The following ZNF667 variants were observed in gnomAD, a reference collection of about 807,000 sequenced individuals.
The protein encoded by ZNF667 is myocardial ischemic preconditioning upregulated 1 ortholog.
Under a neutral mutation model 31.8 loss-of-function variants are expected in ZNF667, and 13 were observed. The observed-to-expected ratio is 0.41, with a 90% CI of 0.27 to 0.65. The LOEUF (loss-of-function observed/expected upper bound fraction) is 0.65. Among genes scored for constraint, ZNF667 ranks in the 30% least tolerant of loss-of-function variants. The pLI, the probability that ZNF667 is intolerant of heterozygous loss-of-function variation, is 0.32. For synonymous variants in ZNF667, 228 were observed against 247.1 expected (o/e 0.92, Z 0.73); for missense variants, 642 against 725.6 (o/e 0.88, Z 1.32).
intron 6 of ZNF667, among the ~76,000 whole-genome samples, chr19:56,450,041 T>G (rs892567278): frequency 6.6e-6 from 1 of 151,730 alleles, no homozygotes; most frequent in African/African-American, 2.4e-5. Context: ...GCAGAGAGAC[T>G]GGGGTAGAAA....
rs913224016 is a variant in ZNF667, at chr19:56,471,962, C to T, written c.-323G>A. The T allele has an allele frequency of 1.3e-5, 2 of 152,182 alleles. No individual in the cohort carries two copies. The highest frequency in any genetic ancestry group is 1.3e-4 in the Admixed American group (2 of 15,284). 9.4% of individuals were successfully genotyped at this position (152,182 alleles called of 1,614,324 possible). A position where few individuals can be genotyped will look rare whatever the true frequency, so the allele number is the denominator to read the frequency against. On this transcript the variant is annotated 5_prime_UTR_variant, in exon 3 of 7. It removes an upstream start codon present in the reference 5' UTR. Transcript: ENST00000504904. ...ACTGAATCATGGGGGCGGTTTCCCCCATGCTGTTCTCATGGCAGTGAGTAA... is the reference window on the plus strand; with the variant it reads ...ACTGAATCATGGGGGCGGTTTCCCCTATGCTGTTCTCATGGCAGTGAGTAA...
Position 56,475,712 on chromosome 19 carries a change from C to T in ZNF667, c.-662+1560G>A, listed in dbSNP as rs1162328594. 5 of 152,250 alleles carry T rather than the reference C, an allele frequency of 3.3e-5. No homozygotes were observed. The East Asian group carries it at 5.8e-4, about 18-fold the overall frequency. The allele number at this position is 152,250 out of a possible 1,614,324, so 9.4% of individuals were successfully genotyped here. Reference sequence around the variant, plus strand: ...GTCTGGACAGAAACATTTCCAGACCCATGTGTTATATGGAAACATCCCTTA... The same window carrying T: ...GTCTGGACAGAAACATTTCCAGACCTATGTGTTATATGGAAACATCCCTTA... On this transcript the variant is annotated intron_variant, in intron 1 of 6. Transcript: ENST00000504904.
chr19:56,472,646 T>C (rs2043317092), intron 2 of ZNF667: 1 of 152,160 alleles, frequency 6.6e-6, no homozygotes, highest in African/African-American at 2.4e-5. Flanking sequence ...AAATATATTT[T>C]CCTTATGATT....
At position 56,441,160 on chromosome 19, in the gene ZNF667, C is replaced by A; in HGVS notation, c.*2G>T. 6.3e-7 allele frequency: 1 copy of A among 1,598,954 alleles called. No individual in the cohort carries two copies. Among genetic ancestry groups the A allele is most frequent in the Non-Finnish European group, 8.5e-7 (1 of 1,170,810 alleles). The stretch of plus-strand genomic sequence containing the variant: ...CGTTGATTTTATAGATTTAAAACAA[C>A]CTTAGGCTTTTTCTTCAGAATGTGT... On this transcript the variant is annotated 3_prime_UTR_variant, in exon 7 of 7. Coordinates refer to ENST00000504904, the MANE Select transcript of ZNF667 (RefSeq NM_001321356.2). The surrounding 1 kb of genome is among the most constrained non-coding windows in gnomAD (Gnocchi z 4.2).
At chr19:56,475,541 G>A (rs2043387334) in intron 1 of ZNF667, 1 of 152,044 alleles carries the variant, frequency 6.6e-6, no homozygotes, top group Non-Finnish European at 1.5e-5. Flanking sequence ...CAACCCAGAG[G>A]GAGGCGCGGT....
At chr19:56,458,090 A>G (rs1216425150) in intron 6 of ZNF667, 65 bp downstream of exon 6, 7 of 1,390,292 alleles carry the variant, frequency 5.0e-6, no homozygotes, top group Admixed American at 1.7e-5. Flanking sequence ...GTCACCTAAT[A>G]TATGGCATTC....
chr19:56,441,583 T>A lies in ZNF667; in HGVS notation c.1412A>T (p.Tyr471Phe), dbSNP rs1048866859. The change falls in exon 7 of 7, where the codon TAC becomes TTC. Residue 471 changes from tyrosine to phenylalanine, a missense_variant. By Grantham distance (22) the Tyr-to-Phe change is conservative. Transcript: ENST00000504904. The surrounding 1 kb of genome is among the most constrained non-coding windows in gnomAD (Gnocchi z 4.2). ...GGCTTTTCCACATTCCTCACACTGG[T>A]AGGGTTTTTCTCCAGTATGAATTCT... ...HQRIHTGEKPYQCEECGKAFS... is the reference protein window; with the variant it reads ...HQRIHTGEKPFQCEECGKAFS... 15 of 1,614,034 alleles carry A rather than the reference T, an allele frequency of 9.3e-6. No individual in the cohort carries two copies. The South Asian group carries it at 1.3e-4, about 14-fold the overall frequency.
intron 6 of ZNF667, among the ~76,000 whole-genome samples, chr19:56,447,969 C>T (rs60217196): frequency 0.015 from 2,311 of 152,244 alleles, 71 homozygotes; most frequent in African/African-American, 0.053. Flanking sequence ...TCTGCAGTAA[C>T]GCCAAATTGA....
chr19:56,458,295 A>G (rs778689683), intron 5 of ZNF667, 48 bp from the exon 6 acceptor site: 3 of 1,552,022 alleles, frequency 1.9e-6, no homozygotes, highest in Non-Finnish European at 8.9e-7. Flanking sequence ...TGGGCACCAC[A>G]GAAGTCAGAG....
intron 3 of ZNF667, among the ~76,000 whole-genome samples, chr19:56,469,518 T>G (rs1310606353): frequency 3.9e-5 from 6 of 152,226 alleles, no homozygotes; most frequent in Middle Eastern, 6.8e-3. Flanking sequence ...CACGTTTGGG[T>G]CCTACACCCC....
chr19:56,467,132 C>T (rs1438979300), intron 3 of ZNF667: 3 of 446,652 alleles, frequency 6.7e-6, no homozygotes, highest in African/African-American at 2.0e-5. Flanking sequence ...CTAATTAGCA[C>T]TGTGTGCCAT....
In ZNF667 at chr19:56,460,778, G is replaced by A; in HGVS notation, c.71C>T (p.Ser24Phe). 1 of 1,610,778 alleles carries A rather than the reference G, an allele frequency of 6.2e-7. No homozygotes were observed. Among genetic ancestry groups the A allele is most frequent in the Non-Finnish European group, 8.5e-7 (1 of 1,178,776 alleles). The change falls in exon 5 of 7, where the codon TCC (serine) becomes TTC (phenylalanine). Residue 24 changes from serine (S) to phenylalanine (F), a missense_variant. By Grantham distance (155) the Ser-to-Phe change is radical. Transcript: ENST00000504904. ...GCTCAGCCATTCCCACTCCTCCTGGGAGAAGTAGATGGCTAAGTCCCCAAA... is the reference window on the plus strand; with the variant it reads ...GCTCAGCCATTCCCACTCCTCCTGGAAGAAGTAGATGGCTAAGTCCCCAAA... ...ITFGDLAIYF[S>F]QEEWEWLSPI...
chr19:56,464,948 G>T (rs1480165580), intron 3 of ZNF667, among the ~76,000 whole-genome samples: 1 of 152,188 alleles, frequency 6.6e-6, no homozygotes, highest in Non-Finnish European at 1.5e-5. Flanking sequence ...GGACAGAAAT[G>T]GGGACATACT....
chr19:56,461,664 C>T (rs774002182), intron 4 of ZNF667, among the ~76,000 whole-genome samples: 1 of 152,206 alleles, frequency 6.6e-6, no homozygotes, highest in African/African-American at 2.4e-5. Context: ...TAATCTGTTA[C>T]AGCAGCAAGG....
chr19:56,451,447 A>C (rs75546092), intron 6 of ZNF667, among the ~76,000 whole-genome samples: 2,452 of 152,302 alleles, frequency 0.016, 79 homozygotes, highest in African/African-American at 0.056. Context: ...GAAACATCGG[A>C]CCTAATGGAC....
At chr19:56,451,987 T>C (rs776153292) in intron 6 of ZNF667, among the ~76,000 whole-genome samples, 4 of 148,048 alleles carry the variant, frequency 2.7e-5, no homozygotes, top group Non-Finnish European at 4.4e-5. Context: ...TTGGAAAGTA[T>C]ACCAACACAT....
Position 56,440,086 on chromosome 19 carries a change from A to G in ZNF667, c.*1076T>C, listed in dbSNP as rs754992425. 1.3e-5 allele frequency: 2 copies of G among 152,226 alleles called. No individual in the cohort carries two copies. Among genetic ancestry groups the G allele is most frequent in the Non-Finnish European group, 2.9e-5 (2 of 68,048 alleles). The allele number at this position is 152,226 out of a possible 1,614,324, so 9.4% of individuals were successfully genotyped here. ...TCACATTGATGGTGAGGATTTTAAC[A>G]TAATTAGTTTTGGGAGGGACATAAA... is the stretch of plus-strand genomic sequence containing the variant. On this transcript the variant is annotated 3_prime_UTR_variant, in exon 7 of 7. Coordinates refer to ENST00000504904, the MANE Select transcript of ZNF667 (RefSeq NM_001321356.2).
At chr19:56,453,556 A>C (rs1240290984) in intron 6 of ZNF667, among the ~76,000 whole-genome samples, 3 of 152,216 alleles carry the variant, frequency 2.0e-5, no homozygotes, top group Non-Finnish European at 2.9e-5. Context: ...AATCAATGAT[A>C]TATATAAACA....
rs59106386 is a variant in ZNF667 at position 56,440,680 on chromosome 19, A to T, written c.*482T>A. On this transcript the variant is annotated 3_prime_UTR_variant, in exon 7 of 7. Transcript: ENST00000504904. ...GACACAGAGTCTTGCTCTGTTGCCCAGACTGGAGTGCAGTGGTGCAATCTC... is the reference window on the plus strand; with the variant it reads ...GACACAGAGTCTTGCTCTGTTGCCCTGACTGGAGTGCAGTGGTGCAATCTC... The T allele has an allele frequency of 0.016, 12,733 of 810,060 alleles. 903 individuals carry two copies. In the East Asian group the frequency reaches 0.33, roughly 21 times the overall value. The allele number at this position is 810,060 out of a possible 1,614,324, so 50.2% of individuals were successfully genotyped here.
Sources: gnomAD v4.1 joint callset for allele counts (sites outside exome capture counted in the v4.1 genomes callset) on GRCh38, gnomAD v4.1.1 for gene constraint, Gnocchi (gnomAD v3.1) non-coding constraint, MANE v1.5 for transcripts, NCBI Gene and HGNC (gene_info 2026-07-23, HGNC 2026-07-21) for gene names.